The following TRAPPC5 variants were observed in gnomAD, a reference collection of about 807,000 sequenced individuals.
TRAPPC5 encodes trafficking protein particle complex subunit 5, also known as trafficking protein particle complex 5.
In TRAPPC5, 5 loss-of-function variants were observed where a neutral mutation model predicts 9.8. That is an observed-to-expected ratio of 0.51 (90% CI 0.27 to 1.07). TRAPPC5 has a LOEUF of 1.07. TRAPPC5 is among the 50% of genes least tolerant of loss of function. TRAPPC5 has a pLI of 0.12. For synonymous variants in TRAPPC5, 146 were observed against 140.7 expected (o/e 1.04, Z -0.26); for missense variants, 243 against 291.5 (o/e 0.83, Z 1.21).
intron 1 of TRAPPC5, 72 bp downstream of exon 1, chr19:7,680,950 GGGTCCCGGGCT>G (rs1367054321): frequency 1.3e-5 from 2 of 152,256 alleles, no homozygotes; most frequent in African/African-American, 4.8e-5. Flanking sequence ...GCGGGCGTGT[GGGTCCCGGGCT>G]GGGGTCTCGG....
At position 7,685,311 on chromosome 19, in the gene TRAPPC5, T is replaced by C. The variant is rs1269297298; in HGVS notation, c.*2491T>C. ...AGTAATGTATTACACCTCAGGCAATTTTCCTTTCCCTTTTTGTTCACCACA... is the reference window on the plus strand; with the variant it reads ...AGTAATGTATTACACCTCAGGCAATCTTCCTTTCCCTTTTTGTTCACCACA... On this transcript the variant is annotated 3_prime_UTR_variant, in exon 2 of 2. Transcript: ENST00000596148. 5 of 151,996 alleles carry C rather than the reference T, an allele frequency of 3.3e-5. No homozygotes were observed. Among genetic ancestry groups the C allele is most frequent in the Non-Finnish European group, 5.9e-5 (4 of 67,976 alleles). 9.4% of individuals were successfully genotyped at this position (151,996 alleles called of 1,614,324 possible).
In TRAPPC5 at chr19:7,687,168, C is replaced by T. The variant is rs943240754; in HGVS notation, c.*4348C>T. The T allele has an allele frequency of 6.6e-6, 1 of 152,652 alleles. No individual in the cohort carries two copies. The highest frequency in any genetic ancestry group is 1.5e-5 in the Non-Finnish European group (1 of 68,220). The allele number at this position is 152,652 out of a possible 1,614,324, so 9.5% of individuals were successfully genotyped here. On this transcript the variant is annotated 3_prime_UTR_variant, in exon 2 of 2. Coordinates refer to ENST00000596148, the MANE Select transcript of TRAPPC5 (RefSeq NM_001042462.2). ...GCGGAGGTGACTGCTCCAGTCGAGG[C>T]AGTGGCAGAAGGGGTGAGCAGTGAG...
In TRAPPC5 at chr19:7,682,839, A is replaced by G. The variant is rs1022386968; in HGVS notation, c.*19A>G. The G allele has an allele frequency of 4.5e-6, 7 of 1,555,724 alleles. No individual in the cohort carries two copies. The South Asian group carries it at 7.1e-5, about 16-fold the overall frequency. On this transcript the variant is annotated 3_prime_UTR_variant, in exon 2 of 2. Transcript: ENST00000596148. The surrounding 1 kb of genome is among the most constrained non-coding windows in gnomAD (Gnocchi z 8.6). ...CCGCTGACCCTGCCGGAGATAAAGGATACAGAGAGCCCCTCCCCACGTGTG... is the reference window on the plus strand; with the variant it reads ...CCGCTGACCCTGCCGGAGATAAAGGGTACAGAGAGCCCCTCCCCACGTGTG...
At position 7,682,335 on chromosome 19, in the gene TRAPPC5, G is replaced by A. The variant is rs2032652453; in HGVS notation, c.82G>A (p.Ala28Thr). The A allele has an allele frequency of 2.6e-6, 4 of 1,545,012 alleles. No individual in the cohort carries two copies. The highest frequency in any genetic ancestry group is 4.9e-5 in the East Asian group (2 of 40,924). ...GCCGCGCACCGAGGTGAGCCTGAGC[G>A]CCTTCGCACTGCTGTTCTCCGAGCT... ...ARPRTEVSLSAFALLFSELVQ... is the reference protein window; with the variant it reads ...ARPRTEVSLSTFALLFSELVQ... The change falls in exon 2 of 2, where the codon GCC becomes ACC. Residue 28 changes from alanine (A) to threonine (T), a missense_variant. Physicochemically the swap from Ala to Thr is moderately conservative, Grantham distance 58. This residue lies in a region of TRAPPC5 where 89 missense variants were observed against 75.7 expected (regional missense o/e 1.18). Transcript: ENST00000596148. This position sits in a 1 kb window ranked among gnomAD's most constrained non-coding sequence, Gnocchi z 8.6.
chr19:7,682,794 C>T lies in TRAPPC5; in HGVS notation c.541C>T (p.Arg181Ter). The T allele has an allele frequency of 6.2e-7, 1 of 1,604,488 alleles. No homozygotes were observed. Among genetic ancestry groups the T allele is most frequent in the East Asian group, 2.3e-5 (1 of 44,346 alleles). Residue 181 changes from arginine to a stop codon, truncating the protein, a stop_gained, in exon 2 of 2, where the codon CGA (arginine) becomes TGA (stop). Coordinates refer to ENST00000596148, the MANE Select transcript of TRAPPC5 (RefSeq NM_001042462.2). LOFTEE classifies it high-confidence loss of function. This position sits in a 1 kb window ranked among gnomAD's most constrained non-coding sequence, Gnocchi z 8.6. ...MIKFEEAVIA[R>*]DRALEGR is the part of the protein sequence containing the mutation. Reference sequence around the variant, plus strand: ...CAAGTTCGAGGAGGCAGTCATCGCTCGAGACCGGGCCCTGGAGGGCCGCTG... The same window carrying T: ...CAAGTTCGAGGAGGCAGTCATCGCTTGAGACCGGGCCCTGGAGGGCCGCTG...
Position 7,682,438 on chromosome 19 carries a change from G to T in TRAPPC5, c.185G>T (p.Gly62Val). The T allele has an allele frequency of 2.5e-6, 4 of 1,602,910 alleles. No individual in the cohort carries two copies. Among genetic ancestry groups the T allele is most frequent in the Non-Finnish European group, 3.4e-6 (4 of 1,175,146 alleles). ...CTGGCCGCGCTGGGCCGCCAGGTGG[G>T]CGCGCGCGTGCTGGATGCGCTGGTG... is the stretch of plus-strand genomic sequence containing the variant. ...SRLAALGRQV[G>V]ARVLDALVAR... The change falls in exon 2 of 2, where the codon GGC (glycine) becomes GTC (valine). Residue 62 changes from glycine (G) to valine (V), a missense_variant. This residue lies in a region of TRAPPC5 where 154 missense variants were observed against 215.8 expected (regional missense o/e 0.71). Transcript: ENST00000596148. The surrounding 1 kb of genome is among the most constrained non-coding windows in gnomAD (Gnocchi z 8.6).
Position 7,682,619 on chromosome 19 carries a change from G to C in TRAPPC5, c.366G>C (p.Pro122=), listed in dbSNP as rs753831880. Residue 122 remains proline (P), a synonymous_variant, in exon 2 of 2, where the codon CCG becomes CCC. Coordinates refer to ENST00000596148, the MANE Select transcript of TRAPPC5 (RefSeq NM_001042462.2). The surrounding 1 kb of genome is among the most constrained non-coding windows in gnomAD (Gnocchi z 8.6). ...CCTTCTACATCATCGAGCGCGAGCCGCTCATCAACACCTACATCTCCGTGC... is the reference window on the plus strand; with the variant it reads ...CCTTCTACATCATCGAGCGCGAGCCCCTCATCAACACCTACATCTCCGTGC... ...ARTFYIIERE[P]LINTYISVPK... is the part of the protein sequence containing the mutation. 1 of 1,613,444 alleles carries C rather than the reference G, an allele frequency of 6.2e-7. No individual in the cohort carries two copies. Among genetic ancestry groups the C allele is most frequent in the Admixed American group, 1.7e-5 (1 of 60,032 alleles).
Position 7,682,321 on chromosome 19 carries a change from A to C in TRAPPC5, c.68A>C (p.Glu23Ala). Residue 23 changes from glutamate to alanine, a missense_variant, in exon 2 of 2, where the codon GAG becomes GCG. By Grantham distance (107) the Glu-to-Ala change is moderately radical. Around this residue, in one of 2 missense-constraint regions of TRAPPC5, gnomAD observed 89 missense variants for 75.7 expected, o/e 1.18. Transcript: ENST00000596148. The surrounding 1 kb of genome is among the most constrained non-coding windows in gnomAD (Gnocchi z 8.6). ...CGCGCGCTGGCGCGGCCGCGCACCG[A>C]GGTGAGCCTGAGCGCCTTCGCACTG... is the stretch of plus-strand genomic sequence containing the variant. ...LERALARPRT[E>A]VSLSAFALLF... The C allele has an allele frequency of 6.5e-7, 1 of 1,529,302 alleles. No individual in the cohort carries two copies. Among genetic ancestry groups the C allele is most frequent in the Non-Finnish European group, 8.7e-7 (1 of 1,143,558 alleles). 94.7% of individuals were successfully genotyped at this position (1,529,302 alleles called of 1,614,324 possible).
Position 7,687,449 on chromosome 19 carries a change from C to G in TRAPPC5, c.*4629C>G, listed in dbSNP as rs983792107. The G allele has an allele frequency of 1.3e-5, 2 of 152,516 alleles. No individual in the cohort carries two copies. Among genetic ancestry groups the G allele is most frequent in the African/African-American group, 4.8e-5 (2 of 41,430 alleles). 9.4% of individuals were successfully genotyped at this position (152,516 alleles called of 1,614,324 possible). A position where few individuals can be genotyped will look rare whatever the true frequency, so the allele number is the denominator to read the frequency against. ...CTGAGTAGGGTTAACACCTCCAGAC[C>G]CGAAATGGCCTCCGGTTGACCGGGC... is the stretch of plus-strand genomic sequence containing the variant. On this transcript the variant is annotated 3_prime_UTR_variant, in exon 2 of 2. Coordinates refer to ENST00000596148, the MANE Select transcript of TRAPPC5 (RefSeq NM_001042462.2).
rs915028959 is a variant in TRAPPC5 at position 7,685,597 on chromosome 19, G to A, written c.*2777G>A. The A allele has an allele frequency of 6.6e-6, 1 of 152,330 alleles. No homozygotes were observed. The highest frequency in any genetic ancestry group is 6.5e-5 in the Admixed American group (1 of 15,282). 9.4% of individuals were successfully genotyped at this position (152,330 alleles called of 1,614,324 possible). A position where few individuals can be genotyped will look rare whatever the true frequency, so the allele number is the denominator to read the frequency against. ...CTGGTGGACCAGGGCTGAGGGCTTG[G>A]TCAGGGCAGTCTCAGCCATCCTAGC... On this transcript the variant is annotated 3_prime_UTR_variant, in exon 2 of 2. Transcript: ENST00000596148.
At position 7,683,063 on chromosome 19, in the gene TRAPPC5, G is replaced by A. The variant is rs76230176; in HGVS notation, c.*243G>A. 353 of 549,712 alleles carry A rather than the reference G, an allele frequency of 6.4e-4. 3 individuals are homozygous for A. The East Asian group carries it at 9.0e-3, about 14-fold the overall frequency. 34.1% of individuals were successfully genotyped at this position (549,712 alleles called of 1,614,324 possible). A position where few individuals can be genotyped will look rare whatever the true frequency, so the allele number is the denominator to read the frequency against. On this transcript the variant is annotated 3_prime_UTR_variant, in exon 2 of 2. Coordinates refer to ENST00000596148, the MANE Select transcript of TRAPPC5 (RefSeq NM_001042462.2). Reference sequence around the variant, plus strand: ...CAAAAGGAGTTGGTGGGAAATGCTGGCAGGTTCTGGAATCACGGTTGGAGG... The same window carrying A: ...CAAAAGGAGTTGGTGGGAAATGCTGACAGGTTCTGGAATCACGGTTGGAGG...
rs2032658030 is a variant in TRAPPC5 at position 7,682,470 on chromosome 19, G to A, written c.217G>A (p.Glu73Lys). 6.2e-7 allele frequency: 1 copy of A among 1,610,426 alleles called. No individual in the cohort carries two copies. The highest frequency in any genetic ancestry group is 8.5e-7 in the Non-Finnish European group (1 of 1,178,492). The change falls in exon 2 of 2, where the codon GAA becomes AAA. Residue 73 changes from glutamate (E) to lysine (K), a missense_variant. This residue lies in a region of TRAPPC5 where 154 missense variants were observed against 215.8 expected (regional missense o/e 0.71). Coordinates refer to ENST00000596148, the MANE Select transcript of TRAPPC5 (RefSeq NM_001042462.2). The surrounding 1 kb of genome is among the most constrained non-coding windows in gnomAD (Gnocchi z 8.6). ...CGTGCTGGATGCGCTGGTGGCGCGC[G>A]AAAAGGGTGCCCGGCGTGAGACCAA... ...ARVLDALVAR[E>K]KGARRETKVL...
Position 7,682,304 on chromosome 19 carries a change from G to T in TRAPPC5, c.51G>T (p.Leu17=). The T allele has an allele frequency of 6.7e-7, 1 of 1,483,990 alleles. No individual in the cohort carries two copies. 91.9% of individuals were successfully genotyped at this position (1,483,990 alleles called of 1,614,324 possible). ...AGTCGGCGCTGCTGGAGCGCGCGCTGGCGCGGCCGCGCACCGAGGTGAGCC... is the reference window on the plus strand; with the variant it reads ...AGTCGGCGCTGCTGGAGCGCGCGCTTGCGCGGCCGCGCACCGAGGTGAGCC... The part of the protein sequence containing the change: ...RGKSALLERA[L]ARPRTEVSLS... The change falls in exon 2 of 2, where the codon CTG becomes CTT. Residue 17 remains leucine (L), a synonymous_variant. Coordinates refer to ENST00000596148, the MANE Select transcript of TRAPPC5 (RefSeq NM_001042462.2). The surrounding 1 kb of genome is among the most constrained non-coding windows in gnomAD (Gnocchi z 8.6).
chr19:7,684,374 C>G lies in TRAPPC5; in HGVS notation c.*1554C>G, dbSNP rs2032691807. On this transcript the variant is annotated 3_prime_UTR_variant, in exon 2 of 2. Transcript: ENST00000596148. Reference sequence around the variant, plus strand: ...CAGCCTGGCTAACATGGCAAAACCCCGTCTCTACTAAAAATAGAAAACATT... The same window carrying G: ...CAGCCTGGCTAACATGGCAAAACCCGGTCTCTACTAAAAATAGAAAACATT... 1 of 151,296 alleles carries G rather than the reference C, an allele frequency of 6.6e-6. No individual in the cohort carries two copies. The highest frequency in any genetic ancestry group is 1.5e-5 in the Non-Finnish European group (1 of 67,914). 9.4% of individuals were successfully genotyped at this position (151,296 alleles called of 1,614,324 possible). A position where few individuals can be genotyped will look rare whatever the true frequency, so the allele number is the denominator to read the frequency against.
Position 7,682,791 on chromosome 19 carries a change from G to C in TRAPPC5, c.538G>C (p.Ala180Pro). Residue 180 changes from alanine to proline, a missense_variant, in exon 2 of 2, where the codon GCT becomes CCT. Physicochemically the swap from Ala to Pro is conservative, Grantham distance 27. Coordinates refer to ENST00000596148, the MANE Select transcript of TRAPPC5 (RefSeq NM_001042462.2). The surrounding 1 kb of genome is among the most constrained non-coding windows in gnomAD (Gnocchi z 8.6). Reference sequence around the variant, plus strand: ...GATCAAGTTCGAGGAGGCAGTCATCGCTCGAGACCGGGCCCTGGAGGGCCG... The same window carrying C: ...GATCAAGTTCGAGGAGGCAGTCATCCCTCGAGACCGGGCCCTGGAGGGCCG... ...LMIKFEEAVI[A>P]RDRALEGR The C allele has an allele frequency of 6.2e-7, 1 of 1,605,792 alleles. No homozygotes were observed.
Position 7,682,899 on chromosome 19 carries a change from A to G in TRAPPC5, c.*79A>G. 1 of 1,436,040 alleles carries G rather than the reference A, an allele frequency of 7.0e-7. No homozygotes were observed. The highest frequency in any genetic ancestry group is 9.4e-7 in the Non-Finnish European group (1 of 1,069,138). 89.0% of individuals were successfully genotyped at this position (1,436,040 alleles called of 1,614,324 possible). On this transcript the variant is annotated 3_prime_UTR_variant, in exon 2 of 2. Transcript: ENST00000596148. This position sits in a 1 kb window ranked among gnomAD's most constrained non-coding sequence, Gnocchi z 8.6. ...TTGTGTGGCGGCCTTAGATCCACTC[A>G]GTACCTTGAGCCACAGCCCTGCCCC...
In TRAPPC5 at chr19:7,684,340, G is replaced by A. The variant is rs2146260184; in HGVS notation, c.*1520G>A. On this transcript the variant is annotated 3_prime_UTR_variant, in exon 2 of 2. Transcript: ENST00000596148. ...GCAGGTGGATCACCTGAAGTCAGGA[G>A]TTCGAGACCAGCCTGGCTAACATGG... 6.6e-6 allele frequency: 1 copy of A among 151,826 alleles called. No individual in the cohort carries two copies. The highest frequency in any genetic ancestry group is 2.4e-5 in the African/African-American group (1 of 41,366). The allele number at this position is 151,826 out of a possible 1,614,324, so 9.4% of individuals were successfully genotyped here. A position where few individuals can be genotyped will look rare whatever the true frequency, so the allele number is the denominator to read the frequency against.
chr19:7,682,232 C>G lies in TRAPPC5; in HGVS notation c.-12-10C>G. ...GCCCCTGACACCTGCACTTCCTGGTCTCCCCGCAGGGTGGCGGCGGCATGG... is the reference window on the plus strand; with the variant it reads ...GCCCCTGACACCTGCACTTCCTGGTGTCCCCGCAGGGTGGCGGCGGCATGG... On this transcript the variant is annotated splice_polypyrimidine_tract_variant and intron_variant, in intron 1 of 1. Transcript: ENST00000596148. This position sits in a 1 kb window ranked among gnomAD's most constrained non-coding sequence, Gnocchi z 8.6. 1 of 1,385,968 alleles carries G rather than the reference C, an allele frequency of 7.2e-7. No homozygotes were observed. The highest frequency in any genetic ancestry group is 1.5e-5 in the African/African-American group (1 of 65,290). 85.9% of individuals were successfully genotyped at this position (1,385,968 alleles called of 1,614,324 possible).
chr19:7,682,403 G>A lies in TRAPPC5; in HGVS notation c.150G>A (p.Leu50=). 3 of 1,582,924 alleles carry A rather than the reference G, an allele frequency of 1.9e-6. No homozygotes were observed. In the South Asian group the frequency reaches 3.4e-5, roughly 18 times the overall value. The part of the protein sequence containing the change: ...CQSRVFSVAE[L]QSRLAALGRQ... ...GCCGCGTCTTCTCCGTGGCCGAGCT[G>A]CAGTCGCGCCTGGCCGCGCTGGGCC... Residue 50 remains leucine, a synonymous_variant, in exon 2 of 2, where the codon CTG becomes CTA. Coordinates refer to ENST00000596148, the MANE Select transcript of TRAPPC5 (RefSeq NM_001042462.2). This position sits in a 1 kb window ranked among gnomAD's most constrained non-coding sequence, Gnocchi z 8.6.
Sources: allele counts gnomAD v4.1 joint callset, GRCh38; gene constraint gnomAD v4.1.1; regional missense constraint gnomAD v4.1.1; non-coding constraint Gnocchi (gnomAD v3.1); transcripts MANE v1.5; gene names NCBI Gene and HGNC (gene_info 2026-07-23, HGNC 2026-07-21).